Variants in LRP6 observed in about 807,000 individuals in gnomAD.
LRP6 encodes low-density lipoprotein receptor-related protein 6.
LRP6 carries 43 observed loss-of-function variants against 184.1 expected under a neutral mutation model. The ratio of observed to expected loss-of-function variants is 0.23; its 90% CI spans 0.18 to 0.30. The LOEUF is 0.30. Among genes scored for constraint, LRP6 ranks in the 10% least tolerant of loss-of-function variants. The pLI, the probability that LRP6 is intolerant of heterozygous loss-of-function variation, is 1.00. For missense variants in LRP6, 1,571 were observed against 2,005.3 expected (o/e 0.78, Z 4.14); for synonymous variants, 719 against 684.9 (o/e 1.05, Z -0.78).
chr12:12,169,510 CAAAGCAAACAATGA>C (rs1862974704), intron 7 of LRP6, among the ~76,000 whole-genome samples: 1 of 151,918 alleles, frequency 6.6e-6, no homozygotes, highest in Admixed American at 6.6e-5. Flanking sequence ...AAGAAGAGAG[CAAAGCAAACAATGA>C]AAAGAAAAAG....
intron 2 of LRP6, among the ~76,000 whole-genome samples, chr12:12,222,252 G>A (rs1044606696): frequency 7.9e-5 from 12 of 151,980 alleles, no homozygotes; most frequent in African/African-American, 2.9e-4. Flanking sequence ...TATATTTATA[G>A]CGATAATCCT....
intron 3 of LRP6, among the ~76,000 whole-genome samples, chr12:12,196,986 C>T (rs1863779050): frequency 6.6e-6 from 1 of 152,114 alleles, no homozygotes; most frequent in Admixed American, 6.5e-5. Context: ...AAATAGCTCT[C>T]CCATATCTAC....
intron 7 of LRP6, among the ~76,000 whole-genome samples, chr12:12,176,209 G>A (rs995065690): frequency 1.3e-5 from 2 of 152,146 alleles, no homozygotes; most frequent in African/African-American, 2.4e-5. Context: ...ATCAGGAGGG[G>A]GGGTGGTGGC....
At chr12:12,264,387 G>A (rs1865704884) in intron 1 of LRP6, among the ~76,000 whole-genome samples, 1 of 152,146 alleles carries the variant, frequency 6.6e-6, no homozygotes, top group South Asian at 2.1e-4. Flanking sequence ...ATGAAGTTGT[G>A]ACACTTGGGC....
At chr12:12,249,040 T>C in intron 1 of LRP6, 1 of 669,364 alleles carries the variant, frequency 1.5e-6, no homozygotes, top group Non-Finnish European at 2.7e-6. Context: ...ATTTCCCACT[T>C]TTGGAAGAAC....
chr12:12,215,256 A>T (rs1864311124), intron 2 of LRP6, among the ~76,000 whole-genome samples: 1 of 152,196 alleles, frequency 6.6e-6, no homozygotes. Flanking sequence ...AGGGAAGGAC[A>T]TCACAGGGAA....
chr12:12,171,532 A>AAAATAAAT (rs150432884), intron 7 of LRP6, among the ~76,000 whole-genome samples: 11 of 147,432 alleles, frequency 7.5e-5, no homozygotes, highest in African/African-American at 2.2e-4. Flanking sequence ...AAAAAAAAAT[A>AAAATAAAT]AAATAAATAA....
intron 8 of LRP6, among the ~76,000 whole-genome samples, chr12:12,164,855 C>G (rs1310029149): frequency 7.2e-6 from 1 of 139,644 alleles, no homozygotes; most frequent in African/African-American, 2.7e-5. Flanking sequence ...CATGTGTATT[C>G]AGCCCTTCAA....
intron 1 of LRP6, among the ~76,000 whole-genome samples, chr12:12,254,387 G>C (rs1426365967): frequency 6.6e-6 from 1 of 152,076 alleles, no homozygotes; most frequent in African/African-American, 2.4e-5. Context: ...TATGGGTTTC[G>C]TTTAAAATAT....
intron 18 of LRP6, among the ~76,000 whole-genome samples, chr12:12,131,602 G>C (rs1949758934): frequency 6.6e-6 from 1 of 152,106 alleles, no homozygotes; most frequent in Non-Finnish European, 1.5e-5. Context: ...ATATATTTTA[G>C]TTTCATTTCT....
rs376248000 is a variant in LRP6, at chr12:12,125,369, G to C, written c.4376C>G (p.Pro1459Arg). 1.0e-4 allele frequency: 168 copies of C among 1,613,950 alleles called. No homozygotes were observed. The highest frequency in any genetic ancestry group is 3.2e-4 in the Admixed American group (19 of 59,998). The change falls in exon 21 of 23, where the codon CCC becomes CGC. Residue 1459 changes from proline to arginine, a missense_variant. Pro to Arg is a moderately radical substitution (Grantham distance 103). This residue lies in a region of LRP6 where 763 missense variants were observed against 859.5 expected (regional missense o/e 0.89). Coordinates refer to ENST00000261349, the MANE Select transcript of LRP6 (RefSeq NM_002336.3). ...TCCTGTAACATGGGCTCGGTCATAG[G>C]GGGGTCCACTGCTTCCCCCCATGAT... ...LSIMGGSSGP[P>R]YDRAHVTGAS... is the part of the protein sequence containing the mutation.
Position 12,119,793 on chromosome 12 carries a change from G to A in LRP6, c.*1333C>T, listed in dbSNP as rs1949569057. 1 of 151,632 alleles carries A rather than the reference G, an allele frequency of 6.6e-6. No individual in the cohort carries two copies. Among genetic ancestry groups the A allele is most frequent in the Admixed American group, 6.6e-5 (1 of 15,202 alleles). 9.4% of individuals were successfully genotyped at this position (151,632 alleles called of 1,614,324 possible). Reference sequence around the variant, plus strand: ...TAACATTCACAGTGGGTAACAGAAAGATATTAAATTCATGTCACACATTAG... The same window carrying A: ...TAACATTCACAGTGGGTAACAGAAAAATATTAAATTCATGTCACACATTAG... On this transcript the variant is annotated 3_prime_UTR_variant, in exon 23 of 23. Coordinates refer to ENST00000261349, the MANE Select transcript of LRP6 (RefSeq NM_002336.3).
At position 12,257,779 on chromosome 12, in the gene LRP6, C is replaced by CAAAAAAAAAAA. The variant is rs1163180718; in HGVS notation, c.55+8891_55+8901dup. Reference sequence around the variant, plus strand: ...GCAACATAGTAAGACCCTGTCTCTACAAAAAAAAAAAAAAAAAAAAAAAAA... The same window carrying CAAAAAAAAAAA: ...GCAACATAGTAAGACCCTGTCTCTACAAAAAAAAAAAAAAAAAAAAAAAAAAAAAAAAAAAA... On this transcript the variant is annotated intron_variant, in intron 1 of 22. Transcript: ENST00000261349. Among the ~76,000 whole-genome samples, 64 of 35,314 alleles carry CAAAAAAAAAAA rather than the reference C, an allele frequency of 1.8e-3. 5 individuals are homozygous for CAAAAAAAAAAA. The highest frequency in any genetic ancestry group is 4.6e-3 in the South Asian group (2 of 432). 23.2% of individuals were successfully genotyped at this position (35,314 alleles called of 152,430 possible).
intron 17 of LRP6, among the ~76,000 whole-genome samples, chr12:12,133,524 CA>C (rs1949786158): frequency 6.6e-6 from 1 of 152,084 alleles, no homozygotes; most frequent in South Asian, 2.1e-4. Context: ...AGAAGCTGAA[CA>C]ATACAGCCGG....
intron 2 of LRP6, among the ~76,000 whole-genome samples, chr12:12,213,851 T>G (rs1418720965): frequency 6.6e-6 from 1 of 152,202 alleles, no homozygotes; most frequent in Non-Finnish European, 1.5e-5. Flanking sequence ...GATTTAACAT[T>G]AGCTCTATTA....
At chr12:12,242,317 C>CT (rs1865087358) in intron 2 of LRP6, among the ~76,000 whole-genome samples, 1 of 152,182 alleles carries the variant, frequency 6.6e-6, no homozygotes, top group Non-Finnish European at 1.5e-5. Context: ...ACCAAACCCC[C>CT]TCTCTCCAAC....
At chr12:12,218,485 TA>T (rs1040968823) in intron 2 of LRP6, among the ~76,000 whole-genome samples, 3 of 58,346 alleles carry the variant, frequency 5.1e-5, no homozygotes, top group African/African-American at 9.8e-5. Context: ...TCAATAATAA[TA>T]ATAATAATAA....
intron 1 of LRP6, among the ~76,000 whole-genome samples, chr12:12,250,629 G>A (rs947905048): frequency 5.9e-5 from 9 of 151,992 alleles, no homozygotes; most frequent in Admixed American, 3.9e-4. Flanking sequence ...AATATTTTGG[G>A]GGTTTTGTTT....
At chr12:12,233,277 C>A (rs1864839047) in intron 2 of LRP6, among the ~76,000 whole-genome samples, 1 of 152,054 alleles carries the variant, frequency 6.6e-6, no homozygotes, top group Non-Finnish European at 1.5e-5. Context: ...ACCATCCTGG[C>A]TAATGCGCTG....
Sources: gnomAD v4.1 joint callset for allele counts (sites outside exome capture counted in the v4.1 genomes callset) on GRCh38, gnomAD v4.1.1 for gene constraint, gnomAD v4.1.1 regional missense constraint, MANE v1.5 for transcripts, NCBI Gene and HGNC (gene_info 2026-07-23, HGNC 2026-07-21) for gene names.